FGF22: variants seen among roughly 807,000 people sequenced by gnomAD.
FGF22 encodes FGF-22.
FGF22 carries 11 observed loss-of-function variants against 10.3 expected under a neutral mutation model. The ratio of observed to expected loss-of-function variants is 1.07; its 90% CI spans 0.67 to 1.77. The LOEUF is 1.77. Ranked by LOEUF, FGF22 falls within the 40% of genes most tolerant of loss-of-function variation. The probability of loss-of-function intolerance (pLI) is 0.00; values close to 1 mark genes in which losing one functional copy is unlikely to be tolerated. For missense variants in FGF22, 317 were observed against 273.2 expected (o/e 1.16, Z -1.13); for synonymous variants, 136 against 122.1 (o/e 1.11, Z -0.75).
intron 1 of FGF22, chr19:641,398 A>G (rs1985896100): frequency 2.6e-6 from 1 of 379,998 alleles, no homozygotes; most frequent in Non-Finnish European, 5.4e-6. Flanking sequence ...AACACGGTGA[A>G]ACCCCGTCTC....
At chr19:640,239 A>T (rs1985857723) in intron 1 of FGF22, 100 bp downstream of exon 1, 2 of 793,956 alleles carry the variant, frequency 2.5e-6, no homozygotes, top group Non-Finnish European at 3.4e-6. Flanking sequence ...GGAGTCCCGG[A>T]GGCTCCTCTG....
At chr19:643,110 G>GAC in intron 1 of FGF22, 125 bp from the exon 2 acceptor site, 1 of 749,984 alleles carries the variant, frequency 1.3e-6, no homozygotes, top group Non-Finnish European at 2.3e-6. Context: ...GTCGGGAGGG[G>GAC]ACTCGTGGTC....
chr19:641,420 C>CA (rs1985896913), intron 1 of FGF22: 1 of 362,902 alleles, frequency 2.8e-6, no homozygotes, highest in Non-Finnish European at 5.6e-6. Flanking sequence ...ACCAAAAATA[C>CA]AAAAATTAGC....
At chr19:641,509 A>C in intron 1 of FGF22, 1 of 301,500 alleles carries the variant, frequency 3.3e-6, no homozygotes, top group South Asian at 2.7e-5. Flanking sequence ...CGGGAGGTGG[A>C]GCTTGCAGTG....
exon 3 of FGF22, chr19:643,997 G>A (rs1011739835): frequency 4.1e-5 from 11 of 267,382 alleles, no homozygotes; most frequent in Admixed American, 2.5e-4. Flanking sequence ...CACCAGCCTC[G>A]AAGCCGGTCC....
intron 1 of FGF22, among the ~76,000 whole-genome samples, chr19:642,448 G>A (rs1985934737): frequency 1.7e-5 from 2 of 116,012 alleles, no homozygotes; most frequent in East Asian, 4.8e-4. Context: ...CTCTGGGGTG[G>A]TGTGAGCTGT....
At chr19:643,311 G>A in exon 2 of FGF22, 1 of 1,594,628 alleles carries the variant, frequency 6.3e-7, no homozygotes, top group Non-Finnish European at 8.5e-7. Context: ...ACGTGGCCAT[G>A]AACCGCCGGG....
At chr19:640,509 A>G (rs1985865982) in intron 1 of FGF22, 1 of 185,694 alleles carries the variant, frequency 5.4e-6, no homozygotes, top group Non-Finnish European at 1.1e-5. Context: ...GAATCCAGTC[A>G]GGGCTGCCTG....
intron 1 of FGF22, 128 bp downstream of exon 1, chr19:640,267 T>C (rs953002320): frequency 1.8e-5 from 10 of 567,878 alleles, no homozygotes; most frequent in Non-Finnish European, 2.6e-5. Flanking sequence ...TCGGCCTCAG[T>C]TTCCGTGGTC....
intron 1 of FGF22, chr19:640,769 G>C (rs780734223): frequency 4.7e-6 from 1 of 213,240 alleles, no homozygotes; most frequent in Non-Finnish European, 9.8e-6. Context: ...GGGGATGTGG[G>C]TACCTGGAGG....
chr19:641,500 G>A (rs948017124), intron 1 of FGF22: 15 of 321,438 alleles, frequency 4.7e-5, no homozygotes, highest in African/African-American at 1.3e-4. Context: ...ACGTGAAGCC[G>A]GGAGGTGGAG....
intron 1 of FGF22, chr19:641,594 G>C (rs11572867): frequency 0.026 from 5,479 of 210,614 alleles, 127 homozygotes; most frequent in Admixed American, 0.037. Flanking sequence ...AAAAAAAAAA[G>C]AACAGTGAAT....
chr19:640,968 T>C, intron 1 of FGF22: 1 of 352,530 alleles, frequency 2.8e-6, no homozygotes, highest in South Asian at 2.1e-5. Flanking sequence ...GCTGGGCCGG[T>C]CCATCCATGG....
At chr19:642,276 A>C (rs538431109) in intron 1 of FGF22, among the ~76,000 whole-genome samples, 15 of 19,594 alleles carry the variant, frequency 7.7e-4, no homozygotes, top group East Asian at 2.5e-3. Flanking sequence ...GGGGCTCCAT[A>C]TGGGGTGGTG....
In FGF22 at chr19:643,397, C is replaced by A. The variant is rs777886773; in HGVS notation, c.319-13C>A. 6 of 1,608,128 alleles carry A rather than the reference C, an allele frequency of 3.7e-6. No homozygotes were observed. In the Middle Eastern group the frequency reaches 6.7e-4, roughly 179 times the overall value. ...GGGTGGGGAGGGTGGGCCGGCCTCA[C>A]CCCCGCCCGCAGCGACTCTACACCG... is the stretch of plus-strand genomic sequence containing the variant. On this transcript the variant is annotated splice_polypyrimidine_tract_variant and intron_variant, in intron 2 of 2. Coordinates refer to ENST00000215530, the Ensembl canonical transcript of FGF22.
At chr19:643,679 C>T in exon 3 of FGF22, 1 of 1,260,604 alleles carries the variant, frequency 7.9e-7, no homozygotes, top group Non-Finnish European at 1.1e-6. Context: ...GTTCTTCCCC[C>T]TGCGGGCTCT....
At chr19:640,165 G>T in intron 1 of FGF22, 26 bp downstream of exon 1, 1 of 1,269,244 alleles carries the variant, frequency 7.9e-7, no homozygotes, top group South Asian at 2.5e-5. Context: ...CGGGGGCCTG[G>T]GGTGGGGAGG....
rs956847925 is a variant in FGF22, at chr19:640,134, A to G, written c.209A>G (p.Gln70Arg). 10 of 1,309,018 alleles carry G rather than the reference A, an allele frequency of 7.6e-6. No individual in the cohort carries two copies. The Admixed American group carries it at 2.4e-4, about 32-fold the overall frequency. 81.1% of individuals were successfully genotyped at this position (1,309,018 alleles called of 1,614,324 possible). ...CAGGGCACCCGCTGGCGCCACGGCC[A>G]GGACAGTGAGTGCGGGGCGGCGGGG... Residue 70 changes from glutamine to arginine, a missense_variant, in exon 1 of 3, where the codon CAG (glutamine) becomes CGG (arginine). By Grantham distance (43) the Gln-to-Arg change is conservative. Transcript: ENST00000215530.
intron 1 of FGF22, among the ~76,000 whole-genome samples, chr19:642,603 C>T (rs1268295124): frequency 2.7e-5 from 3 of 111,488 alleles, no homozygotes; most frequent in East Asian, 2.8e-4. Flanking sequence ...CTGGGGGCTC[C>T]CTGGGGTGGT....
Sources: gnomAD v4.1 joint callset for allele counts (sites outside exome capture counted in the v4.1 genomes callset) on GRCh38, gnomAD v4.1.1 for gene constraint, MANE v1.5 for transcripts, NCBI Gene and HGNC (gene_info 2026-07-23, HGNC 2026-07-21) for gene names.